PRDM10: variants seen among roughly 807,000 people sequenced by gnomAD.
PRDM10 encodes PR/SET domain 10.
PRDM10 carries 65 observed loss-of-function variants against 133.1 expected under a neutral mutation model. The observed-to-expected ratio is 0.49, with a 90% CI of 0.40 to 0.60. The LOEUF (loss-of-function observed/expected upper bound fraction) is 0.60. PRDM10 is among the 20% of genes least tolerant of loss of function. The pLI is 0.00. For missense variants in PRDM10, 1,137 were observed against 1,507.1 expected (o/e 0.75, Z 4.07); for synonymous variants, 582 against 580.4 (o/e 1.00, Z -0.04).
chr11:129,927,176 C>CAAAA, intron 11 of PRDM10, among the ~76,000 whole-genome samples: 1 of 79,372 alleles, frequency 1.3e-5, no homozygotes, highest in Non-Finnish European at 2.5e-5. Context: ...GACTCTGTCT[C>CAAAA]AAAAAAAAAA....
intron 1 of PRDM10, among the ~76,000 whole-genome samples, chr11:129,999,047 T>C (rs559079418): frequency 1.3e-5 from 2 of 152,250 alleles, no homozygotes; most frequent in East Asian, 1.9e-4. Context: ...GTTCTCGAAC[T>C]CCTGGACTCA....
chr11:129,969,932 AAG>A (rs761710785), intron 1 of PRDM10, among the ~76,000 whole-genome samples: 20 of 152,222 alleles, frequency 1.3e-4, no homozygotes, highest in Non-Finnish European at 2.6e-4. Context: ...GTAACTAAAA[AAG>A]TAAGTGATTT....
intron 17 of PRDM10, 91 bp downstream of exon 17, chr11:129,914,613 C>G: frequency 6.5e-7 from 1 of 1,539,194 alleles, no homozygotes; most frequent in Non-Finnish European, 9.0e-7. Flanking sequence ...CGCAGAAGGA[C>G]ATTACATAGA....
intron 17 of PRDM10, among the ~76,000 whole-genome samples, chr11:129,913,288 G>C (rs184807983): frequency 4.0e-5 from 6 of 150,378 alleles, no homozygotes; most frequent in Non-Finnish European, 1.5e-5. Flanking sequence ...AAGAATGGAA[G>C]GGATTTCAGC....
intron 1 of PRDM10, among the ~76,000 whole-genome samples, chr11:129,985,026 C>T (rs1381500241): frequency 6.6e-6 from 1 of 152,160 alleles, no homozygotes; most frequent in Non-Finnish European, 1.5e-5. Flanking sequence ...GTGTGCACTA[C>T]CTGTCCTCCT....
At chr11:129,912,010 T>G in intron 18 of PRDM10, 75 bp downstream of exon 18, 1 of 1,435,416 alleles carries the variant, frequency 7.0e-7, no homozygotes, top group Non-Finnish European at 9.2e-7. Flanking sequence ...CTGAAGAGAA[T>G]GTCTTCCCTC....
At chr11:129,956,042 T>C (rs571481137) in intron 3 of PRDM10, among the ~76,000 whole-genome samples, 2 of 152,316 alleles carry the variant, frequency 1.3e-5, no homozygotes, top group Admixed American at 1.3e-4. Flanking sequence ...AGTGCATGTT[T>C]ATTATCAGAA....
At chr11:129,925,377 T>C in intron 11 of PRDM10, 148 bp from the exon 12 acceptor site, 1 of 751,534 alleles carries the variant, frequency 1.3e-6, no homozygotes, top group South Asian at 2.1e-5. Flanking sequence ...TGAAAGGAGA[T>C]TTTTCTGGTG....
chr11:129,942,733 A>G, intron 6 of PRDM10, 104 bp from the exon 7 acceptor site: 1 of 1,018,076 alleles, frequency 9.8e-7, no homozygotes, highest in South Asian at 1.6e-5. Context: ...AATTAACTAT[A>G]CATCCTGGCT....
In PRDM10 at chr11:129,932,177, C is replaced by A; in HGVS notation, c.1212G>T (p.Arg404=). ...GGATAAATTTTGGAGGACGCCCCGG[C>A]CGTCGACCTGGACCGAATCGCCTCT... ...RGKRRFGPGR[R]PGRPPKFIRL... The change falls in exon 10 of 21, where the codon CGG becomes CGT. Residue 404 remains arginine, a synonymous_variant. Coordinates refer to ENST00000360871, the MANE Select transcript of PRDM10 (RefSeq NM_199437.2). The A allele has an allele frequency of 2.5e-6, 4 of 1,614,142 alleles. No individual in the cohort carries two copies. Among genetic ancestry groups the A allele is most frequent in the Non-Finnish European group, 3.4e-6 (4 of 1,180,016 alleles).
chr11:129,972,161 C>T (rs1952045127), intron 1 of PRDM10, among the ~76,000 whole-genome samples: 1 of 152,222 alleles, frequency 6.6e-6, no homozygotes. Context: ...CCAGCTGGCC[C>T]GCAAGCGCCG....
intron 1 of PRDM10, among the ~76,000 whole-genome samples, chr11:129,986,015 T>A (rs1196171976): frequency 2.6e-5 from 4 of 151,812 alleles, no homozygotes; most frequent in Non-Finnish European, 5.9e-5. Flanking sequence ...GGTGTTGGGC[T>A]CGTGGTGGAT....
In PRDM10 at chr11:129,945,156, G is replaced by T; in HGVS notation, c.521-144C>A. On this transcript the variant is annotated intron_variant, in intron 5 of 20. Coordinates refer to ENST00000360871, the MANE Select transcript of PRDM10 (RefSeq NM_199437.2). The surrounding 1 kb of genome is among the most constrained non-coding windows in gnomAD (Gnocchi z 4.2). ...TCCTAATGGCGCTACCCATTCAACG[G>T]TAATACATTCTCTCTGGGAGACCAG... The T allele has an allele frequency of 1.0e-6, 1 of 991,650 alleles. No homozygotes were observed. The highest frequency in any genetic ancestry group is 1.5e-6 in the Non-Finnish European group (1 of 666,894). The allele number at this position is 991,650 out of a possible 1,614,324, so 61.4% of individuals were successfully genotyped here.
At chr11:129,948,282 G>A (rs1951485441) in intron 4 of PRDM10, among the ~76,000 whole-genome samples, 1 of 152,128 alleles carries the variant, frequency 6.6e-6, no homozygotes. Flanking sequence ...TGCCCAATTA[G>A]CACAAGGTCA....
rs1272042912 is a variant in PRDM10 at position 129,931,039 on chromosome 11, T to G, written c.1507A>C (p.Met503Leu). 1 of 1,613,580 alleles carries G rather than the reference T, an allele frequency of 6.2e-7. No individual in the cohort carries two copies. Among genetic ancestry groups the G allele is most frequent in the Admixed American group, 1.7e-5 (1 of 59,994 alleles). The change falls in exon 11 of 21, where the codon ATG becomes CTG. Residue 503 changes from methionine to leucine, a missense_variant. This residue lies in a region of PRDM10 where 635 missense variants were observed against 835.2 expected (regional missense o/e 0.76). Coordinates refer to ENST00000360871, the MANE Select transcript of PRDM10 (RefSeq NM_199437.2). ...ACTCGGATGCGCTTGGCTCTGCGCA[T>G]GTCGTCGGCTGTCAGCGTGCTCTGG... ...PTQSTLTADDMRRAKRIRNAA... is the reference protein window; with the variant it reads ...PTQSTLTADDLRRAKRIRNAA...
At chr11:129,952,978 CT>C (rs35319349) in intron 4 of PRDM10, among the ~76,000 whole-genome samples, 1,638 of 145,818 alleles carry the variant, frequency 0.011, 12 homozygotes, top group African/African-American at 0.03. Flanking sequence ...TAAAATTAGT[CT>C]TTTTTTTTTT....
At chr11:129,977,297 CACATT>C (rs1937821962) in intron 1 of PRDM10, among the ~76,000 whole-genome samples, 1 of 147,552 alleles carries the variant, frequency 6.8e-6, no homozygotes, top group Admixed American at 6.8e-5. Context: ...CACACACACA[CACATT>C]GAGATGCAGT....
intron 1 of PRDM10, among the ~76,000 whole-genome samples, chr11:129,981,070 C>T (rs1034746814): frequency 6.6e-6 from 1 of 151,872 alleles, no homozygotes. Flanking sequence ...GGGGTTTCAC[C>T]ATATTGGTCA....
At chr11:129,911,843 AC>A in intron 18 of PRDM10, among the ~76,000 whole-genome samples, 1 of 152,344 alleles carries the variant, frequency 6.6e-6, no homozygotes, top group African/African-American at 2.4e-5. Flanking sequence ...GAAAGCAAAG[AC>A]CACTGTTGTT....
Sources: allele counts gnomAD v4.1 joint callset (sites outside exome capture counted in the v4.1 genomes callset), GRCh38; gene constraint gnomAD v4.1.1; regional missense constraint gnomAD v4.1.1; non-coding constraint Gnocchi (gnomAD v3.1); transcripts MANE v1.5; gene names NCBI Gene and HGNC (gene_info 2026-07-23, HGNC 2026-07-21).